Variants in PRP4K observed in about 807,000 individuals in gnomAD.
PRP4K encodes the protein pre-mRNA processing factor kinase PRP4K.
At chr6:4,059,032 T>C in the PRP4K span, 6 of 463,250 alleles carry the variant, frequency 1.3e-5, no homozygotes, top group African/African-American at 1.0e-4. Flanking sequence ...TTATAGGTCA[T>C]ATTTAGGCCC....
At chr6:4,064,221 A>G in the PRP4K span, 5 of 152,618 alleles carry the variant, frequency 3.3e-5, no homozygotes, top group Admixed American at 2.0e-4. Flanking sequence ...TGCCATTATT[A>G]AGTACCACTT....
chr6:4,047,245 T>C, the PRP4K span: 5 of 1,609,286 alleles, frequency 3.1e-6, no homozygotes, highest in Non-Finnish European at 4.3e-6. Context: ...CTGCGTATTT[T>C]GATGTAAGTT....
the PRP4K span, among the ~76,000 whole-genome samples, chr6:4,024,958 C>T: frequency 6.6e-6 from 1 of 152,068 alleles, no homozygotes; most frequent in African/African-American, 2.4e-5. Flanking sequence ...TGCTGGGTGC[C>T]TCAAGACATG....
chr6:4,054,609 C>T, the PRP4K span, among the ~76,000 whole-genome samples: 1 of 152,150 alleles, frequency 6.6e-6, no homozygotes, highest in African/African-American at 2.4e-5. Context: ...CTGGTTCAAG[C>T]ATTTCTCCTG....
the PRP4K span, chr6:4,047,314 T>C: frequency 8.1e-7 from 1 of 1,238,418 alleles, no homozygotes; most frequent in Non-Finnish European, 1.2e-6. Flanking sequence ...CGTATATACA[T>C]ATAGAGAAAG....
the PRP4K span, chr6:4,057,135 A>G: frequency 6.2e-7 from 1 of 1,613,832 alleles, no homozygotes; most frequent in South Asian, 1.1e-5. Flanking sequence ...GGCAAAACCA[A>G]TAACCATATG....
the PRP4K span, among the ~76,000 whole-genome samples, chr6:4,039,893 C>T: frequency 2.0e-5 from 3 of 147,484 alleles, no homozygotes; most frequent in Non-Finnish European, 4.5e-5. Context: ...CTCCCCTCTC[C>T]CTTCTCCTCT....
At chr6:4,056,269 G>T in the PRP4K span, 1 of 1,268,416 alleles carries the variant, frequency 7.9e-7, no homozygotes, top group Non-Finnish European at 1.1e-6. Flanking sequence ...TTATTTATTT[G>T]TATTAATTAT....
At chr6:4,021,948 A>C in the PRP4K span, among the ~76,000 whole-genome samples, 3 of 152,176 alleles carry the variant, frequency 2.0e-5, no homozygotes, top group Non-Finnish European at 4.4e-5. Flanking sequence ...CTGAAAGCAG[A>C]GAGCGGAGGT....
At chr6:4,030,990 G>A in the PRP4K span, among the ~76,000 whole-genome samples, 13 of 152,278 alleles carry the variant, frequency 8.5e-5, no homozygotes, top group African/African-American at 3.1e-4. Flanking sequence ...TGGCTCTAGA[G>A]TTTTGTTTTG....
chr6:4,030,179 G>A, the PRP4K span, among the ~76,000 whole-genome samples: 1 of 152,162 alleles, frequency 6.6e-6, no homozygotes, highest in African/African-American at 2.4e-5. Context: ...CTGACCTCAG[G>A]TGATCTGCCC....
the PRP4K span, chr6:4,049,395 G>A: frequency 2.8e-5 from 13 of 460,184 alleles, no homozygotes; most frequent in East Asian, 7.2e-5. Context: ...TCACTTACTC[G>A]TCTTGATCTG....
the PRP4K span, chr6:4,062,669 T>C: frequency 2.0e-5 from 3 of 152,558 alleles, no homozygotes; most frequent in South Asian, 6.2e-4. This position sits in a 1 kb window ranked among gnomAD's most constrained non-coding sequence, Gnocchi z 4.2. Flanking sequence ...TGAAATGAAC[T>C]ACAGCCAGGA....
the PRP4K span, chr6:4,021,592 C>A: frequency 1.5e-6 from 2 of 1,338,232 alleles, no homozygotes; most frequent in South Asian, 2.6e-5. Context: ...CGGCGCGATT[C>A]GTTGTGGGGT....
At chr6:4,030,094 C>T in the PRP4K span, among the ~76,000 whole-genome samples, 3 of 152,232 alleles carry the variant, frequency 2.0e-5, no homozygotes, top group South Asian at 2.1e-4. Flanking sequence ...AGGCATGTGC[C>T]GCTACATCTG....
the PRP4K span, chr6:4,052,913 T>C: frequency 1.3e-6 from 2 of 1,533,916 alleles, no homozygotes; most frequent in Non-Finnish European, 1.8e-6. Flanking sequence ...ATCTTGAACA[T>C]ACATTTCACT....
At chr6:4,047,301 G>A in the PRP4K span, 1 of 1,345,348 alleles carries the variant, frequency 7.4e-7, no homozygotes, top group Non-Finnish European at 1.1e-6. Context: ...AAATATATTG[G>A]TGCGTATATA....
At chr6:4,053,772 C>T in the PRP4K span, among the ~76,000 whole-genome samples, 2 of 152,132 alleles carry the variant, frequency 1.3e-5, no homozygotes, top group African/African-American at 4.8e-5. Context: ...AATGGGTTCT[C>T]TTTATCAGTT....
At chr6:4,041,761 G>A in the PRP4K span, among the ~76,000 whole-genome samples, 2 of 152,070 alleles carry the variant, frequency 1.3e-5, no homozygotes, top group African/African-American at 4.8e-5. Context: ...CACACAAAAA[G>A]AACTATCCAT....
Sources: gnomAD v4.1 joint callset for allele counts (sites outside exome capture counted in the v4.1 genomes callset) on GRCh38, gnomAD v4.1.1 for gene constraint, Gnocchi (gnomAD v3.1) non-coding constraint, MANE v1.5 for transcripts, NCBI Gene and HGNC (gene_info 2026-07-23, HGNC 2026-07-21) for gene names.